Variants in CADM1 observed in about 807,000 individuals in gnomAD.
The protein encoded by CADM1 is cell adhesion molecule 1.
Under a neutral mutation model 53.1 loss-of-function variants are expected in CADM1, and 15 were observed. The observed-to-expected ratio is 0.28, with a 90% confidence interval of 0.19 to 0.44. CADM1 has a LOEUF of 0.44. Among genes scored for constraint, CADM1 ranks in the 20% least tolerant of loss-of-function variants. The pLI, the probability that CADM1 is intolerant of heterozygous loss-of-function variation, is 1.00. For synonymous variants in CADM1, 281 were observed against 243.0 expected (o/e 1.16, Z -1.45); for missense variants, 434 against 611.3 (o/e 0.71, Z 3.06).
At chr11:115,382,943 G>A (rs991550437) in intron 1 of CADM1, among the ~76,000 whole-genome samples, 7 of 151,286 alleles carry the variant, frequency 4.6e-5, no homozygotes, top group African/African-American at 1.7e-4. Context: ...GGAAGAAAAA[G>A]AAAAGGACTT....
chr11:115,274,534 T>C (rs947686456), intron 1 of CADM1, among the ~76,000 whole-genome samples: 16 of 152,236 alleles, frequency 1.1e-4, no homozygotes, highest in African/African-American at 3.6e-4. Context: ...AATAATGCCA[T>C]TGGCAATGTT....
chr11:115,332,151 C>T (rs988564758), intron 1 of CADM1, among the ~76,000 whole-genome samples: 1 of 152,114 alleles, frequency 6.6e-6, no homozygotes, highest in Non-Finnish European at 1.5e-5. Flanking sequence ...GGGCTGAGTA[C>T]GGAAGCAGGG....
At chr11:115,484,024 G>A (rs1384514233) in intron 1 of CADM1, among the ~76,000 whole-genome samples, 2 of 152,148 alleles carry the variant, frequency 1.3e-5, no homozygotes, top group Non-Finnish European at 2.9e-5. Context: ...CTACCCATAG[G>A]AGACCAGTCA....
chr11:115,382,482 C>T (rs1036317682), intron 1 of CADM1, among the ~76,000 whole-genome samples: 1 of 152,088 alleles, frequency 6.6e-6, no homozygotes, highest in South Asian at 2.1e-4. Context: ...TCAAGAAGAA[C>T]AGTGCTAAAA....
chr11:115,229,357 C>T (rs1206168714), intron 4 of CADM1, 86 bp from the exon 5 acceptor site: 6 of 1,200,334 alleles, frequency 5.0e-6, no homozygotes, highest in Non-Finnish European at 7.4e-6. Flanking sequence ...GTCCTCTAAC[C>T]CCAACATTGC....
At chr11:115,473,703 G>A (rs539242365) in intron 1 of CADM1, among the ~76,000 whole-genome samples, 2 of 151,848 alleles carry the variant, frequency 1.3e-5, no homozygotes, top group South Asian at 4.2e-4. Context: ...ATAAATCACA[G>A]ACCAAAAAGC....
intron 1 of CADM1, among the ~76,000 whole-genome samples, chr11:115,481,029 G>GAT (rs1220199548): frequency 6.6e-6 from 1 of 151,326 alleles, no homozygotes; most frequent in Non-Finnish European, 1.5e-5. Flanking sequence ...CTTATTTTAT[G>GAT]ATATATATAA....
intron 5 of CADM1, among the ~76,000 whole-genome samples, chr11:115,223,631 G>A (rs1050534073): frequency 2.0e-5 from 3 of 152,088 alleles, no homozygotes; most frequent in Admixed American, 1.3e-4. Context: ...TCCCTTAAGG[G>A]TTATTCCAGT....
rs371959011 is a variant in CADM1 at position 115,176,617 on chromosome 11, C to A, written c.1298-25G>T. Reference sequence around the variant, plus strand: ...CCTGAAAGATGAAGGGGTAAAGCACCGTGACTGTCTGATGGCCTCTGTGTA... The same window carrying A: ...CCTGAAAGATGAAGGGGTAAAGCACAGTGACTGTCTGATGGCCTCTGTGTA... On this transcript the variant is annotated intron_variant, in intron 11 of 11. Transcript: ENST00000331581. The A allele has an allele frequency of 5.0e-6, 8 of 1,587,064 alleles. 1 individual carries two copies. In the South Asian group the frequency reaches 8.8e-5, roughly 18 times the overall value.
At chr11:115,180,359 G>A (rs1461493296) in intron 10 of CADM1, among the ~76,000 whole-genome samples, 1 of 152,150 alleles carries the variant, frequency 6.6e-6, no homozygotes. Flanking sequence ...AAACAGAAAT[G>A]CCAAATCAGA....
chr11:115,339,559 C>G (rs1945367425), intron 1 of CADM1, among the ~76,000 whole-genome samples: 3 of 152,040 alleles, frequency 2.0e-5, no homozygotes, highest in Admixed American at 2.0e-4. Flanking sequence ...TTTCTCATAC[C>G]TGCTTCATAG....
At chr11:115,195,890 G>C (rs1436630241) in intron 9 of CADM1, among the ~76,000 whole-genome samples, 2 of 152,164 alleles carry the variant, frequency 1.3e-5, no homozygotes, top group African/African-American at 4.8e-5. Flanking sequence ...ATGCTACGAG[G>C]ATTTTGGACA....
At chr11:115,367,147 G>C (rs1034415244) in intron 1 of CADM1, among the ~76,000 whole-genome samples, 1 of 152,222 alleles carries the variant, frequency 6.6e-6, no homozygotes, top group Admixed American at 6.5e-5. Flanking sequence ...CCCGGAGTTC[G>C]AGGCTGCAGT....
At chr11:115,378,776 A>G (rs1199930955) in intron 1 of CADM1, among the ~76,000 whole-genome samples, 1 of 152,256 alleles carries the variant, frequency 6.6e-6, no homozygotes, top group Non-Finnish European at 1.5e-5. Flanking sequence ...CATATTGTCT[A>G]CAGCAGCTTT....
intron 1 of CADM1, among the ~76,000 whole-genome samples, chr11:115,474,791 T>C (rs541750714): frequency 1.2e-4 from 19 of 152,166 alleles, no homozygotes; most frequent in Admixed American, 1.0e-3. Flanking sequence ...GGCACATGTA[T>C]ACATATGTAA....
At chr11:115,425,589 T>C (rs12276656) in intron 1 of CADM1, among the ~76,000 whole-genome samples, 2,048 of 152,312 alleles carry the variant, frequency 0.013, 42 homozygotes, top group African/African-American at 0.047. Flanking sequence ...TTATTTTAAC[T>C]ACACCTATCA....
rs116471387 is a variant in CADM1, at chr11:115,204,759, G to A, written c.1078+4815C>T. Among the ~76,000 whole-genome samples, 651 of 152,276 alleles carry A rather than the reference G, an allele frequency of 4.3e-3. 6 individuals carry two copies. The highest frequency in any genetic ancestry group is 0.013 in the African/African-American group (538 of 41,546). ...TCTATACATATCACTGAAGGATAAA[G>A]GCTATACCCACCTTCTTTATGTGAT... is the stretch of plus-strand genomic sequence containing the variant. On this transcript the variant is annotated intron_variant, in intron 8 of 11. Coordinates refer to ENST00000331581, the MANE Select transcript of CADM1 (RefSeq NM_001301043.2).
chr11:115,226,638 AATATGGTGCT>A (rs1203198171), intron 5 of CADM1, among the ~76,000 whole-genome samples: 9 of 152,126 alleles, frequency 5.9e-5, no homozygotes, highest in African/African-American at 1.9e-4. Context: ...TGGTCATCAA[AATATGGTGCT>A]ACTTGTCTGC....
intron 8 of CADM1, among the ~76,000 whole-genome samples, chr11:115,203,144 T>C (rs533197816): frequency 6.7e-5 from 10 of 149,166 alleles, no homozygotes; most frequent in Non-Finnish European, 1.3e-4. Context: ...CAACGGGGGA[T>C]GATTTTTTTT....
Sources: gnomAD v4.1 joint callset for allele counts (sites outside exome capture counted in the v4.1 genomes callset) on GRCh38, gnomAD v4.1.1 for gene constraint, MANE v1.5 for transcripts, NCBI Gene and HGNC (gene_info 2026-07-23, HGNC 2026-07-21) for gene names.